EDNRB: variants seen among roughly 807,000 people sequenced by gnomAD.
EDNRB encodes Hirschsprung disease 2.
Under a neutral mutation model 46.4 loss-of-function variants are expected in EDNRB, and 18 were observed. That is an observed-to-expected ratio of 0.39 (90% confidence interval 0.27 to 0.57). The LOEUF (loss-of-function observed/expected upper bound fraction) is 0.57. Among genes scored for constraint, EDNRB ranks in the 20% least tolerant of loss-of-function variants. The pLI is 0.61. For synonymous variants in EDNRB, 213 were observed against 204.9 expected (o/e 1.04, Z -0.34); for missense variants, 434 against 537.5 (o/e 0.81, Z 1.90).
At chr13:77,957,941 T>C (rs1881287923) in intron 1 of EDNRB, among the ~76,000 whole-genome samples, 1 of 152,234 alleles carries the variant, frequency 6.6e-6, no homozygotes, top group Non-Finnish European at 1.5e-5. Context: ...CACGTTTTTG[T>C]TTTTGCTATA....
chr13:77,970,145 A>G (rs1158233454), intron 1 of EDNRB, among the ~76,000 whole-genome samples: 4 of 152,208 alleles, frequency 2.6e-5, no homozygotes, highest in African/African-American at 9.6e-5. Flanking sequence ...TCTAAAATCA[A>G]TACTGAACAA....
chr13:77,937,152 T>C (rs949130897), intron 1 of EDNRB, among the ~76,000 whole-genome samples: 6 of 152,170 alleles, frequency 3.9e-5, no homozygotes, highest in African/African-American at 1.4e-4. Context: ...GGCCCTGAAC[T>C]GGGCTGGGTT....
At chr13:77,916,559 C>G (rs1427161090) in intron 1 of EDNRB, among the ~76,000 whole-genome samples, 1 of 152,326 alleles carries the variant, frequency 6.6e-6, no homozygotes, top group Middle Eastern at 3.4e-3. Flanking sequence ...TCCACTCTCA[C>G]CGCTAAACCT....
At chr13:77,943,999 T>C (rs184027331) in intron 1 of EDNRB, among the ~76,000 whole-genome samples, 4 of 152,178 alleles carry the variant, frequency 2.6e-5, no homozygotes, top group African/African-American at 9.6e-5. Context: ...GAGGTAGTTA[T>C]AGTCAAGCGA....
intron 6 of EDNRB, 94 bp downstream of exon 6, chr13:77,899,765 T>G (rs1878838363): frequency 2.2e-6 from 2 of 924,098 alleles, no homozygotes; most frequent in Non-Finnish European, 3.4e-6. Flanking sequence ...TAAGATAATT[T>G]ACTAAATCTG....
At position 77,903,143 on chromosome 13, in the gene EDNRB, A is replaced by G; in HGVS notation, c.801+13T>C. Reference sequence around the variant, plus strand: ...GCAAGAGCAGAAAGGAAAATAAAAAAAGTGAAATTTACCTGCATGAAAGCT... The same window carrying G: ...GCAAGAGCAGAAAGGAAAATAAAAAGAGTGAAATTTACCTGCATGAAAGCT... On this transcript the variant is annotated intron_variant, in intron 3 of 6. Transcript: ENST00000646607. The G allele has an allele frequency of 6.2e-7, 1 of 1,612,446 alleles. No individual in the cohort carries two copies. Among genetic ancestry groups the G allele is most frequent in the Non-Finnish European group, 8.5e-7 (1 of 1,179,046 alleles).
At chr13:77,901,242 C>T (rs997676377) in intron 3 of EDNRB, 35 bp from the exon 4 acceptor site, 1 of 1,602,390 alleles carries the variant, frequency 6.2e-7, no homozygotes, top group African/African-American at 1.3e-5. Flanking sequence ...GATTAATACT[C>T]CTCTGTAAGA....
chr13:77,925,623 G>A (rs1237747125), intron 1 of EDNRB, among the ~76,000 whole-genome samples: 1 of 152,230 alleles, frequency 6.6e-6, no homozygotes, highest in Non-Finnish European at 1.5e-5. Flanking sequence ...CAGAAGACGT[G>A]TGGAAACGCC....
In EDNRB at chr13:77,918,238, G is replaced by A; in HGVS notation, c.336C>T (p.Phe112=). The change falls in exon 1 of 7, where the codon TTC becomes TTT. Residue 112 remains phenylalanine (F), a synonymous_variant. Coordinates refer to ENST00000646607, the MANE Select transcript of EDNRB (RefSeq NM_001122659.3). This position sits in a 1 kb window ranked among gnomAD's most constrained non-coding sequence, Gnocchi z 4.5. ...YINTVVSCLV[F]VLGIIGNSTL... Reference sequence around the variant, plus strand: ...TGGAGTTCCCGATGATCCCCAGCACGAACACAAGGCAGGACACAACCGTGT... The same window carrying A: ...TGGAGTTCCCGATGATCCCCAGCACAAACACAAGGCAGGACACAACCGTGT... 6.2e-7 allele frequency: 1 copy of A among 1,614,084 alleles called. No homozygotes were observed. Among genetic ancestry groups the A allele is most frequent in the Admixed American group, 1.7e-5 (1 of 60,014 alleles).
rs201243241 is a variant in EDNRB, at chr13:77,898,228, C to T, written c.1301G>A (p.Arg434His). The change falls in exon 7 of 7, where the codon CGT (arginine) becomes CAT (histidine). Residue 434 changes from arginine to histidine, a missense_variant. Physicochemically the swap from Arg to His is conservative, Grantham distance 29. Transcript: ENST00000646607. ...KANDHGYDNF[R>H]SSNKYSSS ...AGATGAGCTGTATTTATTACTGGAA[C>T]GGAAGTTGTCATATCCGTGATCATT... The T allele has an allele frequency of 1.4e-5, 23 of 1,611,752 alleles. No homozygotes were observed. Among genetic ancestry groups the T allele is most frequent in the African/African-American group, 5.3e-5 (4 of 74,784 alleles).
At chr13:77,924,800 G>C (rs1166956574) in intron 1 of EDNRB, among the ~76,000 whole-genome samples, 1 of 152,104 alleles carries the variant, frequency 6.6e-6, no homozygotes, top group Non-Finnish European at 1.5e-5. Flanking sequence ...TGCTGTTCTC[G>C]TGATAGTGAA....
In EDNRB at chr13:77,966,585, CTT is replaced by C. The variant is rs371317521; in HGVS notation, c.-52+8760_-52+8761del. On this transcript the variant is annotated intron_variant, in intron 1 of 7. Coordinates refer to the EDNRB transcript ENST00000646948. ...TCAGAATGCACAAAATAATTAAACT[CTT>C]AAGCTATGAAATACCAATTTTAAAT... Among the ~76,000 whole-genome samples, 554 of 152,260 alleles carry C rather than the reference CTT, an allele frequency of 3.6e-3. 2 individuals carry two copies. Among genetic ancestry groups the C allele is most frequent in the African/African-American group, 0.012 (483 of 41,544 alleles).
chr13:77,949,423 C>T (rs1881025649), intron 1 of EDNRB, among the ~76,000 whole-genome samples: 1 of 152,154 alleles, frequency 6.6e-6, no homozygotes, highest in Non-Finnish European at 1.5e-5. Context: ...CAGTTTGAGA[C>T]TTGTCCACCT....
At chr13:77,908,570 A>AATTTGAAGT (rs1879410013) in intron 1 of EDNRB, among the ~76,000 whole-genome samples, 1 of 152,030 alleles carries the variant, frequency 6.6e-6, no homozygotes, top group Non-Finnish European at 1.5e-5. Flanking sequence ...TAACATCAAT[A>AATTTGAAGT]ATTTGAAGTC....
At position 77,949,368 on chromosome 13, in the gene EDNRB, G is replaced by A. The variant is rs531420496; in HGVS notation, c.-52+25979C>T. Reference sequence around the variant, plus strand: ...CCCAATGCTAAGTTCTTCTACGGCAGTCTGAGATGAGGGTTCCCTGTTGTC... The same window carrying A: ...CCCAATGCTAAGTTCTTCTACGGCAATCTGAGATGAGGGTTCCCTGTTGTC... On this transcript the variant is annotated intron_variant, in intron 1 of 7. Coordinates refer to the EDNRB transcript ENST00000646948. Among the ~76,000 whole-genome samples the A allele has an allele frequency of 1.7e-4, 26 of 152,318 alleles. 1 individual carries two copies. In the South Asian group the frequency reaches 5.4e-3, roughly 32 times the overall value.
chr13:77,934,688 G>A (rs936623246), intron 1 of EDNRB, among the ~76,000 whole-genome samples: 2 of 150,076 alleles, frequency 1.3e-5, no homozygotes, highest in African/African-American at 2.4e-5. Context: ...AAGGGGGGGG[G>A]GGGCCTGAAT....
Position 77,918,766 on chromosome 13 carries a change from T to A in EDNRB, c.-193A>T, listed in dbSNP as rs1879954736. 3 of 1,337,120 alleles carry A rather than the reference T, an allele frequency of 2.2e-6. No individual in the cohort carries two copies. Among genetic ancestry groups the A allele is most frequent in the Non-Finnish European group, 9.5e-7 (1 of 1,049,976 alleles). 82.8% of individuals were successfully genotyped at this position (1,337,120 alleles called of 1,614,324 possible). A position where few individuals can be genotyped will look rare whatever the true frequency, so the allele number is the denominator to read the frequency against. On this transcript the variant is annotated 5_prime_UTR_variant, in exon 1 of 7. The change creates a new upstream start codon in the 5' untranslated region. Coordinates refer to ENST00000646607, the MANE Select transcript of EDNRB (RefSeq NM_001122659.3). This position sits in a 1 kb window ranked among gnomAD's most constrained non-coding sequence, Gnocchi z 4.5. ...TCAAGTTTGCGCGCCAGTGGGAAAC[T>A]TGGCGCTCATGACTCGCCAGCGCGG... is the stretch of plus-strand genomic sequence containing the variant.
At chr13:77,899,988 A>G (rs752263230) in intron 5 of EDNRB, 21 bp from the exon 6 acceptor site, 9 of 1,594,988 alleles carry the variant, frequency 5.6e-6, no homozygotes, top group African/African-American at 1.3e-5. Flanking sequence ...ATAACCCAAA[A>G]TGTGTCTGAA....
Position 77,897,529 on chromosome 13 carries a change from T to C in EDNRB, c.*671A>G, listed in dbSNP as rs1322563697. On this transcript the variant is annotated 3_prime_UTR_variant, in exon 7 of 7. Coordinates refer to ENST00000646607, the MANE Select transcript of EDNRB (RefSeq NM_001122659.3). The stretch of plus-strand genomic sequence containing the variant: ...CATGTGCCAGTCTGTTACATGCTGC[T>C]TGTTTGTGACATGTTGGTTACATAT... 4.1e-6 allele frequency: 4 copies of C among 982,732 alleles called. No homozygotes were observed. Among genetic ancestry groups the C allele is most frequent in the African/African-American group, 1.7e-5 (1 of 57,164 alleles). 60.9% of individuals were successfully genotyped at this position (982,732 alleles called of 1,614,324 possible). A position where few individuals can be genotyped will look rare whatever the true frequency, so the allele number is the denominator to read the frequency against.
Sources: gnomAD v4.1 joint callset for allele counts (sites outside exome capture counted in the v4.1 genomes callset) on GRCh38, gnomAD v4.1.1 for gene constraint, Gnocchi (gnomAD v3.1) non-coding constraint, MANE v1.5 for transcripts, NCBI Gene and HGNC (gene_info 2026-07-23, HGNC 2026-07-21) for gene names.